Variants in PLEKHA6 observed in about 807,000 individuals in gnomAD.
The protein encoded by PLEKHA6 is pleckstrin homology domain-containing family A member 6.
A neutral mutation model predicts 116.7 loss-of-function variants in PLEKHA6; 60 were observed. The ratio of observed to expected loss-of-function variants is 0.51; its 90% CI spans 0.42 to 0.64. The LOEUF is 0.64. Ranked by LOEUF, PLEKHA6 falls within the 30% of genes least tolerant of loss-of-function variation. The pLI is 0.00. For synonymous variants in PLEKHA6, 489 were observed against 556.1 expected (o/e 0.88, Z 1.70); for missense variants, 1,338 against 1,422.7 (o/e 0.94, Z 0.96).
At chr1:204,321,949 T>C (rs1433046142) in intron 1 of PLEKHA6, among the ~76,000 whole-genome samples, 4 of 152,226 alleles carry the variant, frequency 2.6e-5, no homozygotes, top group Non-Finnish European at 4.4e-5. Flanking sequence ...TGGCAGGGCA[T>C]GCTCTGCCTT....
Position 204,259,624 on chromosome 1 carries a change from C to T in PLEKHA6, c.641G>A (p.Arg214Gln), listed in dbSNP as rs1266312465. 2.1e-5 allele frequency: 34 copies of T among 1,614,040 alleles called. No homozygotes were observed. The highest frequency in any genetic ancestry group is 2.7e-5 in the Non-Finnish European group (32 of 1,180,050). ...EAKTRGEGDG[R>Q]GCEKAERRPE... ...CCTTCTCTCTGCCTTCTCACAGCCT[C>T]GGCCATCACCCTCCCCTCGAGTCTT... The change falls in exon 8 of 23, where the codon CGA becomes CAA. Residue 214 changes from arginine to glutamine, a missense_variant. Arg to Gln is a conservative substitution (Grantham distance 43). This residue lies in a region of PLEKHA6 where 1,136 missense variants were observed against 1,163.6 expected (regional missense o/e 0.98). Coordinates refer to ENST00000272203, the MANE Select transcript of PLEKHA6 (RefSeq NM_014935.5). This position sits in a 1 kb window ranked among gnomAD's most constrained non-coding sequence, Gnocchi z 4.6.
intron 18 of PLEKHA6, among the ~76,000 whole-genome samples, 195 bp downstream of exon 18, chr1:204,230,218 C>T (rs556179529): frequency 1.2e-4 from 18 of 152,306 alleles, no homozygotes; most frequent in Non-Finnish European, 2.4e-4. Context: ...TTTCTTTAAA[C>T]AAGAAAAAGT....
chr1:204,305,162 C>T (rs528828772), intron 1 of PLEKHA6, among the ~76,000 whole-genome samples: 8 of 152,272 alleles, frequency 5.3e-5, no homozygotes, highest in Admixed American at 2.6e-4. Flanking sequence ...TTCAATTGCA[C>T]GATGAGGGGG....
intron 1 of PLEKHA6, among the ~76,000 whole-genome samples, chr1:204,321,798 T>G (rs556442753): frequency 2.7e-5 from 4 of 150,776 alleles, no homozygotes; most frequent in African/African-American, 9.8e-5. Flanking sequence ...AATAAATGTC[T>G]GCTGTGTGTC....
chr1:204,244,143 T>C (rs112948092), intron 15 of PLEKHA6, among the ~76,000 whole-genome samples: 2,674 of 151,990 alleles, frequency 0.018, 75 homozygotes, highest in African/African-American at 0.062. Context: ...TTTTTATTAT[T>C]ATTTTTTGAG....
chr1:204,268,624 A>C (rs1667107447), intron 3 of PLEKHA6, among the ~76,000 whole-genome samples: 2 of 142,412 alleles, frequency 1.4e-5, no homozygotes, highest in East Asian at 2.0e-4. Context: ...TTCCAATTTC[A>C]CTCTGGCCTA....
At chr1:204,331,540 A>C (rs1381346364) in intron 1 of PLEKHA6, among the ~76,000 whole-genome samples, 1 of 152,188 alleles carries the variant, frequency 6.6e-6, no homozygotes, top group South Asian at 2.1e-4. Context: ...TGGAGGAAAG[A>C]GAATTGGTGG....
chr1:204,370,819 C>G (rs941232290), intron 2 of PLEKHA6, among the ~76,000 whole-genome samples: 1 of 152,038 alleles, frequency 6.6e-6, no homozygotes, highest in Non-Finnish European at 1.5e-5. Flanking sequence ...TTTGGGAAGT[C>G]GAGGTGGGTG....
chr1:204,256,971 A>T, intron 9 of PLEKHA6: 1 of 579,996 alleles, frequency 1.7e-6, no homozygotes, highest in Non-Finnish European at 3.1e-6. Flanking sequence ...GGTTAGAGGT[A>T]TTTGTGTTCA....
At chr1:204,247,296 T>G in intron 13 of PLEKHA6, 69 bp downstream of exon 13, 1 of 941,530 alleles carries the variant, frequency 1.1e-6, no homozygotes, top group Non-Finnish European at 1.7e-6. Context: ...ACCTTTGCTT[T>G]TGTCTCGAGG....
intron 1 of PLEKHA6, among the ~76,000 whole-genome samples, chr1:204,358,909 C>T (rs1227379768): frequency 1.5e-4 from 22 of 151,220 alleles, no homozygotes; most frequent in Admixed American, 1.3e-3. Flanking sequence ...CCCCCACCCC[C>T]GCCACTTTCC....
chr1:204,377,844 T>C (rs935105505), upstream of PLEKHA6: 1 of 71,682 alleles, frequency 1.4e-5, no homozygotes, highest in Non-Finnish European at 4.5e-5. Context: ...GCCTCCCCAC[T>C]GAAGACGCGC....
Position 204,261,741 on chromosome 1 carries a change from GA to G in PLEKHA6, c.382-294del, listed in dbSNP as rs1666146683. On this transcript the variant is annotated intron_variant, in intron 6 of 22. Transcript: ENST00000272203. The surrounding 1 kb of genome is among the most constrained non-coding windows in gnomAD (Gnocchi z 4.0). ...GCCCCACCTGGGGTAATTAAAGCAG[GA>G]GGGACAATGATCACACCCATTCTCC... 6.6e-6 allele frequency among the ~76,000 whole-genome samples: 1 copy of G among 152,176 alleles called. No homozygotes were observed. The highest frequency in any genetic ancestry group is 6.5e-5 in the Admixed American group (1 of 15,294).
chr1:204,344,182 A>G (rs1672945759), intron 1 of PLEKHA6, among the ~76,000 whole-genome samples: 1 of 152,152 alleles, frequency 6.6e-6, no homozygotes, highest in African/African-American at 2.4e-5. Flanking sequence ...AGAGTTGCAG[A>G]AAATATGTAA....
intron 1 of PLEKHA6, chr1:204,309,604 G>T (rs935897745): frequency 1.3e-5 from 4 of 303,688 alleles, no homozygotes; most frequent in Non-Finnish European, 1.4e-5. Flanking sequence ...ACACTGTCAT[G>T]TTCGCATGAC....
At chr1:204,230,829 GA>G (rs1661084084) in intron 17 of PLEKHA6, among the ~76,000 whole-genome samples, 1 of 152,174 alleles carries the variant, frequency 6.6e-6, no homozygotes, top group Non-Finnish European at 1.5e-5. Flanking sequence ...ATAAGAGACA[GA>G]AAAGAAGATG....
At chr1:204,339,530 G>C (rs539082247) in intron 1 of PLEKHA6, among the ~76,000 whole-genome samples, 7 of 152,322 alleles carry the variant, frequency 4.6e-5, no homozygotes, top group Admixed American at 2.0e-4. Flanking sequence ...GAGGGAATCA[G>C]TTAAACTTTC....
chr1:204,374,691 A>ATCC, intron 1 of PLEKHA6, among the ~76,000 whole-genome samples: 2 of 151,936 alleles, frequency 1.3e-5, no homozygotes, highest in East Asian at 3.9e-4. Context: ...CCATCCCTTT[A>ATCC]TCCTCCTCCT....
rs1235687318 is a variant in PLEKHA6, at chr1:204,257,743, C to T, written c.1134G>A (p.Pro378=). 2.5e-6 allele frequency: 4 copies of T among 1,613,520 alleles called. No individual in the cohort carries two copies. The highest frequency in any genetic ancestry group is 1.1e-5 in the South Asian group (1 of 90,920). Residue 378 remains proline, a synonymous_variant, in exon 9 of 23, where the codon CCG becomes CCA. Coordinates refer to ENST00000272203, the MANE Select transcript of PLEKHA6 (RefSeq NM_014935.5). This position sits in a 1 kb window ranked among gnomAD's most constrained non-coding sequence, Gnocchi z 6.5. ...GVRPESICSM[P]AYDRISPPWA... Reference sequence around the variant, plus strand: ...AGGGCGGGCTGATCCGATCATAGGCCGGCATGGAACAGATGCTCTCCGGCC... The same window carrying T: ...AGGGCGGGCTGATCCGATCATAGGCTGGCATGGAACAGATGCTCTCCGGCC...
Sources: gnomAD v4.1 joint callset for allele counts (sites outside exome capture counted in the v4.1 genomes callset) on GRCh38, gnomAD v4.1.1 for gene constraint, gnomAD v4.1.1 regional missense constraint, Gnocchi (gnomAD v3.1) non-coding constraint, MANE v1.5 for transcripts, NCBI Gene and HGNC (gene_info 2026-07-23, HGNC 2026-07-21) for gene names.